The following STXBP6 variants were observed in gnomAD, a reference collection of about 807,000 sequenced individuals.
The protein encoded by STXBP6 is syntaxin binding protein 6, also known as syntaxin-binding protein 6.
A neutral mutation model predicts 26.9 loss-of-function variants in STXBP6; 21 were observed. The observed-to-expected ratio is 0.78, with a 90% confidence interval of 0.55 to 1.12. The LOEUF (loss-of-function observed/expected upper bound fraction) is 1.12, where lower values mean the gene tolerates loss of function less well. STXBP6 is among the 50% of genes most tolerant of loss of function. STXBP6 has a pLI of 0.00. For missense variants in STXBP6, 232 were observed against 257.9 expected (o/e 0.90, Z 0.69); for synonymous variants, 97 against 92.6 (o/e 1.05, Z -0.27).
intron 1 of STXBP6, among the ~76,000 whole-genome samples, chr14:24,997,208 CCAA>C (rs1353129336): frequency 6.6e-6 from 1 of 152,148 alleles, no homozygotes; most frequent in African/African-American, 2.4e-5. Flanking sequence ...CACCATTTCC[CCAA>C]CAACAACACT....
At chr14:24,859,548 G>A (rs1215662586) in intron 2 of STXBP6, among the ~76,000 whole-genome samples, 4 of 151,980 alleles carry the variant, frequency 2.6e-5, no homozygotes, top group African/African-American at 9.7e-5. Context: ...TTGTTTTGTT[G>A]TTTTGGGAGT....
intron 1 of STXBP6, among the ~76,000 whole-genome samples, chr14:25,026,995 T>C (rs1459285125): frequency 6.6e-6 from 1 of 152,230 alleles, no homozygotes; most frequent in East Asian, 1.9e-4. Flanking sequence ...ACATACATAT[T>C]GTTAGGAGCT....
intron 2 of STXBP6, among the ~76,000 whole-genome samples, chr14:24,922,019 T>C (rs928679917): frequency 4.6e-5 from 7 of 151,982 alleles, no homozygotes; most frequent in Non-Finnish European, 7.4e-5. Context: ...CCATGCATCA[T>C]ATTCCAGGCC....
chr14:24,994,504 C>T (rs965243075), intron 1 of STXBP6, among the ~76,000 whole-genome samples: 3 of 152,166 alleles, frequency 2.0e-5, no homozygotes, highest in Admixed American at 6.5e-5. Flanking sequence ...TGTATATTGC[C>T]CCTAACCATC....
At chr14:24,985,391 C>G (rs911669155) in intron 1 of STXBP6, among the ~76,000 whole-genome samples, 1 of 152,148 alleles carries the variant, frequency 6.6e-6, no homozygotes, top group African/African-American at 2.4e-5. Flanking sequence ...GTTTTATGAG[C>G]CTTGCAGGCT....
chr14:24,899,803 A>AAAAAAAAAGC (rs2071144464), intron 2 of STXBP6, among the ~76,000 whole-genome samples: 1 of 80,118 alleles, frequency 1.2e-5, no homozygotes, highest in Non-Finnish European at 2.2e-5. Context: ...AAAAAAAGCA[A>AAAAAAAAAGC]AAAAAAAAAA....
At chr14:24,974,047 A>T (rs924974693) in intron 2 of STXBP6, among the ~76,000 whole-genome samples, 1 of 152,152 alleles carries the variant, frequency 6.6e-6, no homozygotes, top group African/African-American at 2.4e-5. Context: ...CAAAAATCTT[A>T]ATACGAATCC....
In STXBP6 at chr14:24,933,600, CT is replaced by C. The variant is rs905286535; in HGVS notation, c.154+41064del. On this transcript the variant is annotated intron_variant, in intron 2 of 5. Transcript: ENST00000323944. ...TTTTTAAAAATGTATTTTTATTTAA[CT>C]TTTTTTTTGCAGTCGACACACTTTC... 8.5e-4 allele frequency among the ~76,000 whole-genome samples: 129 copies of C among 151,242 alleles called. 2 individuals carry two copies. Among genetic ancestry groups the C allele is most frequent in the African/African-American group, 2.9e-3 (121 of 41,230 alleles).
At chr14:24,998,330 A>G (rs1490030145) in intron 1 of STXBP6, among the ~76,000 whole-genome samples, 1 of 152,226 alleles carries the variant, frequency 6.6e-6, no homozygotes, top group Admixed American at 6.5e-5. Context: ...TTTTCAATAA[A>G]GTCAAAATAA....
intron 2 of STXBP6, among the ~76,000 whole-genome samples, chr14:24,871,600 T>C (rs996140418): frequency 2.6e-5 from 4 of 152,190 alleles, no homozygotes; most frequent in African/African-American, 9.7e-5. Context: ...CAGCTGAATA[T>C]TTACTACCTG....
chr14:24,846,970 C>T (rs1173711349), intron 4 of STXBP6, among the ~76,000 whole-genome samples: 1 of 152,168 alleles, frequency 6.6e-6, no homozygotes, highest in African/African-American at 2.4e-5. Context: ...TATAGTTTCT[C>T]ATATACTATG....
intron 2 of STXBP6, among the ~76,000 whole-genome samples, chr14:24,964,173 TG>T (rs527295280): frequency 6.6e-6 from 1 of 151,766 alleles, no homozygotes; most frequent in Non-Finnish European, 1.5e-5. Context: ...ATCAAAGCAC[TG>T]GGAACAGAAA....
At chr14:24,910,202 G>GC (rs1236569552) in intron 2 of STXBP6, among the ~76,000 whole-genome samples, 1 of 151,998 alleles carries the variant, frequency 6.6e-6, no homozygotes, top group African/African-American at 2.4e-5. Flanking sequence ...TGCTCACATG[G>GC]CCCCATGTTA....
At chr14:24,963,151 G>A (rs562626716) in intron 2 of STXBP6, among the ~76,000 whole-genome samples, 1 of 152,038 alleles carries the variant, frequency 6.6e-6, no homozygotes, top group African/African-American at 2.4e-5. Flanking sequence ...TATACATTTA[G>A]AGGAGGCACA....
At chr14:24,879,458 T>C (rs1295443723) in intron 2 of STXBP6, among the ~76,000 whole-genome samples, 1 of 152,194 alleles carries the variant, frequency 6.6e-6, no homozygotes, top group Non-Finnish European at 1.5e-5. Context: ...AAAAAGTTTC[T>C]TGCCCTCCTC....
intron 2 of STXBP6, among the ~76,000 whole-genome samples, chr14:24,873,714 TC>T (rs2070027926): frequency 6.6e-6 from 1 of 152,160 alleles, no homozygotes; most frequent in Non-Finnish European, 1.5e-5. Flanking sequence ...ACTAACTTTC[TC>T]CCTTTTCCTG....
chr14:24,863,265 G>C (rs748104569), intron 2 of STXBP6, among the ~76,000 whole-genome samples: 7 of 152,108 alleles, frequency 4.6e-5, no homozygotes. Context: ...AGGTAGGCAT[G>C]TATAAATCCA....
chr14:24,889,085 C>T (rs1303140451), intron 2 of STXBP6, among the ~76,000 whole-genome samples: 1 of 151,920 alleles, frequency 6.6e-6, no homozygotes, highest in East Asian at 1.9e-4. Context: ...TTAAACAGCA[C>T]AGCCAGGCCA....
Position 24,855,841 on chromosome 14 carries a change from T to A in STXBP6, c.451+95A>T. 3.3e-6 allele frequency: 4 copies of A among 1,220,828 alleles called. No homozygotes were observed. In the South Asian group the frequency reaches 4.8e-5, roughly 15 times the overall value. The allele number at this position is 1,220,828 out of a possible 1,614,324, so 75.6% of individuals were successfully genotyped here. A position where few individuals can be genotyped will look rare whatever the true frequency, so the allele number is the denominator to read the frequency against. ...CTGAGCATATTGATTCTTCTCCTGT[T>A]TTTGTCTTTAATTATGCTGCTGAAC... On this transcript the variant is annotated intron_variant, in intron 4 of 5. Transcript: ENST00000323944.
Sources: gnomAD v4.1 joint callset for allele counts (sites outside exome capture counted in the v4.1 genomes callset) on GRCh38, gnomAD v4.1.1 for gene constraint, MANE v1.5 for transcripts, NCBI Gene and HGNC (gene_info 2026-07-23, HGNC 2026-07-21) for gene names.